The following COL5A2 variants were observed in gnomAD, a reference collection of about 807,000 sequenced individuals.
The protein encoded by COL5A2 is collagen alpha-2(V) chain.
COL5A2 carries 23 observed loss-of-function variants against 208.2 expected under a neutral mutation model. The ratio of observed to expected loss-of-function variants is 0.11; its 90% confidence interval spans 0.08 to 0.16. The LOEUF (loss-of-function observed/expected upper bound fraction) is 0.16, where lower values mean the gene tolerates loss of function less well. Among genes scored for constraint, COL5A2 ranks in the 10% least tolerant of loss-of-function variants. COL5A2 has a pLI of 1.00. For missense variants in COL5A2, 1,590 were observed against 1,956.4 expected, an observed-to-expected ratio of 0.81 and a Z score of 3.53; for synonymous variants, 625 against 628.5, an observed-to-expected ratio of 0.99 and a Z score of 0.08.
the COL5A2 span, among the ~76,000 whole-genome samples, chr2:189,435,161 A>C: frequency 1.8e-4 from 27 of 152,338 alleles, no homozygotes; most frequent in African/African-American, 6.3e-4. Context: ...CTTACACCTT[A>C]TACAAAAATT....
the COL5A2 span, among the ~76,000 whole-genome samples, chr2:189,376,645 G>C: frequency 6.6e-6 from 1 of 152,146 alleles, no homozygotes; most frequent in Non-Finnish European, 1.5e-5. Context: ...ATATAGAAAG[G>C]TTTGTACAAT....
the COL5A2 span, among the ~76,000 whole-genome samples, chr2:189,341,703 T>C: frequency 6.6e-6 from 1 of 152,168 alleles, no homozygotes; most frequent in Non-Finnish European, 1.5e-5. Context: ...ACATCACTTA[T>C]ACATATTTTG....
At chr2:189,392,528 AG>A in the COL5A2 span, among the ~76,000 whole-genome samples, 1 of 152,232 alleles carries the variant, frequency 6.6e-6, no homozygotes, top group Non-Finnish European at 1.5e-5. Context: ...TTAACTTTAT[AG>A]GACAAATATA....
At chr2:189,165,227 G>A (rs2105808726) in intron 1 of COL5A2, among the ~76,000 whole-genome samples, 1 of 152,166 alleles carries the variant, frequency 6.6e-6, no homozygotes, top group East Asian at 1.9e-4. Context: ...GGGTTTTGCT[G>A]GTTTGCTTTT....
chr2:189,187,923 C>A (rs1394513925), intron 1 of COL5A2, among the ~76,000 whole-genome samples: 1 of 150,330 alleles, frequency 6.7e-6, no homozygotes, highest in Admixed American at 6.7e-5. Flanking sequence ...GAACCAAGAT[C>A]GCGCCACTGC....
In COL5A2 at chr2:189,058,858, T is replaced by C. The variant is rs1247190308; in HGVS notation, c.2121A>G (p.Leu707=). ...VPGDPGAVGP[L]GPRGERGNPG... ...AGATTAAAATACTTACTCTAGGTCC[T>C]AACGGGCCAACTGCTCCGGGATCTC... Residue 707 remains leucine, a synonymous_variant, in exon 32 of 54, where the codon TTA becomes TTG. Coordinates refer to ENST00000374866, the MANE Select transcript of COL5A2 (RefSeq NM_000393.5). 1.2e-6 allele frequency: 2 copies of C among 1,613,580 alleles called. No homozygotes were observed. Among genetic ancestry groups the C allele is most frequent in the Non-Finnish European group, 1.7e-6 (2 of 1,179,778 alleles).
the COL5A2 span, among the ~76,000 whole-genome samples, chr2:189,340,254 T>A: frequency 6.6e-6 from 1 of 152,184 alleles, no homozygotes; most frequent in Non-Finnish European, 1.5e-5. Context: ...GTGTGCTACA[T>A]GCCCCAGGTT....
At chr2:189,113,950 A>C (rs1222947255) in intron 1 of COL5A2, among the ~76,000 whole-genome samples, 1 of 152,130 alleles carries the variant, frequency 6.6e-6, no homozygotes, top group African/African-American at 2.4e-5. Context: ...TTGTGTTAAC[A>C]CCTAGAAGAG....
the COL5A2 span, among the ~76,000 whole-genome samples, chr2:189,307,368 AT>A: frequency 2.4e-4 from 37 of 152,100 alleles, no homozygotes; most frequent in Non-Finnish European, 4.7e-4. Context: ...TACTTAGAAA[AT>A]TTTGAAAAAG....
chr2:189,144,264 A>C lies in COL5A2; in HGVS notation c.98-33815T>G, dbSNP rs142015761. Among the ~76,000 whole-genome samples the C allele has an allele frequency of 6.4e-3, 970 of 152,294 alleles. 11 individuals are homozygous for C. Among genetic ancestry groups the C allele is most frequent in the African/African-American group, 0.022 (904 of 41,582 alleles). On this transcript the variant is annotated intron_variant, in intron 1 of 53. Coordinates refer to ENST00000374866, the MANE Select transcript of COL5A2 (RefSeq NM_000393.5). ...AGAGAAAAAAAAGGTACAGTTTGAC[A>C]CACAGTTTCAGTAAACAAGTACATA...
At chr2:189,204,357 AT>A (rs1689117990) in intron 1 of COL5A2, among the ~76,000 whole-genome samples, 1 of 152,244 alleles carries the variant, frequency 6.6e-6, no homozygotes, top group Admixed American at 6.5e-5. Context: ...ATGTTTGCTA[AT>A]TGAATAATGA....
At chr2:189,333,978 A>G in the COL5A2 span, among the ~76,000 whole-genome samples, 26 of 151,972 alleles carry the variant, frequency 1.7e-4, no homozygotes, top group Admixed American at 6.6e-5. Context: ...TTTAATTGAT[A>G]TACTGATACA....
the COL5A2 span, among the ~76,000 whole-genome samples, chr2:189,400,865 G>A: frequency 6.6e-6 from 1 of 152,146 alleles, no homozygotes; most frequent in East Asian, 1.9e-4. Context: ...AAGCTGGCAA[G>A]AGTCCTTTGG....
At chr2:189,399,700 T>C in the COL5A2 span, among the ~76,000 whole-genome samples, 1 of 151,984 alleles carries the variant, frequency 6.6e-6, no homozygotes. Flanking sequence ...TTGGTTTTGG[T>C]TGGTTGGTTA....
intron 1 of COL5A2, among the ~76,000 whole-genome samples, chr2:189,202,823 T>C (rs998953228): frequency 6.6e-6 from 1 of 152,172 alleles, no homozygotes; most frequent in African/African-American, 2.4e-5. Flanking sequence ...TTTATTAACC[T>C]TTTCTAGTTA....
chr2:189,043,840 T>C (rs1471865411), intron 47 of COL5A2, among the ~76,000 whole-genome samples: 2 of 152,230 alleles, frequency 1.3e-5, no homozygotes, highest in Non-Finnish European at 2.9e-5. Flanking sequence ...AGTTATCCCA[T>C]ATCTGCAATA....
intron 1 of COL5A2, among the ~76,000 whole-genome samples, chr2:189,139,794 G>A (rs1316933572): frequency 1.3e-5 from 2 of 151,676 alleles, no homozygotes; most frequent in East Asian, 3.9e-4. Flanking sequence ...CCAGATGTTG[G>A]CTGGGTGCAG....
the COL5A2 span, among the ~76,000 whole-genome samples, chr2:189,337,753 CAAAGT>C: frequency 6.7e-6 from 1 of 150,028 alleles, no homozygotes; most frequent in Admixed American, 6.6e-5. Context: ...GAGAAGAAAT[CAAAGT>C]AAACAGTGTA....
the COL5A2 span, among the ~76,000 whole-genome samples, chr2:189,248,808 C>A: frequency 3.3e-5 from 5 of 152,036 alleles, no homozygotes; most frequent in African/African-American, 9.7e-5. Context: ...AATAATAATT[C>A]AAGTTTCTGG....
Sources: gnomAD v4.1 joint callset for allele counts (sites outside exome capture counted in the v4.1 genomes callset) on GRCh38, gnomAD v4.1.1 for gene constraint, MANE v1.5 for transcripts, NCBI Gene and HGNC (gene_info 2026-07-23, HGNC 2026-07-21) for gene names.